GRIK2: variants seen among roughly 807,000 people sequenced by gnomAD.
The protein encoded by GRIK2 is glutamate ionotropic receptor kainate type subunit 2.
Under a neutral mutation model 100.3 loss-of-function variants are expected in GRIK2, and 32 were observed. The ratio of observed to expected loss-of-function variants is 0.32; its 90% CI spans 0.24 to 0.43. The LOEUF (loss-of-function observed/expected upper bound fraction) is 0.43, where lower values mean the gene tolerates loss of function less well. Ranked by LOEUF, GRIK2 falls within the 20% of genes least tolerant of loss-of-function variation. The probability of loss-of-function intolerance (pLI) is 1.00; values close to 1 mark genes in which losing one functional copy is unlikely to be tolerated. For missense variants in GRIK2, 843 were observed against 1,114.9 expected, an observed-to-expected ratio of 0.76 and a Z score of 3.47; for synonymous variants, 417 against 389.4, an observed-to-expected ratio of 1.07 and a Z score of -0.83.
At chr6:101,737,052 C>T (rs1423555259) in intron 7 of GRIK2, among the ~76,000 whole-genome samples, 1 of 152,126 alleles carries the variant, frequency 6.6e-6, no homozygotes, top group Non-Finnish European at 1.5e-5. Context: ...ACCTTTTCTC[C>T]AGTTCCCAAC....
In GRIK2 at chr6:101,638,398, G is replaced by A. The variant is rs140156435; in HGVS notation, c.541+11761G>A. Among the ~76,000 whole-genome samples the A allele has an allele frequency of 6.8e-3, 1,032 of 151,978 alleles. 9 individuals are homozygous for A. The highest frequency in any genetic ancestry group is 0.026 in the South Asian group (125 of 4,808). ...GATAGGTGTTATGAAGAGAAATAAA[G>A]CAGGAGAGATGTGTAGGGAGTACAT... On this transcript the variant is annotated intron_variant, in intron 4 of 16. Coordinates refer to ENST00000369134, the MANE Select transcript of GRIK2 (RefSeq NM_021956.5).
At chr6:101,881,825 C>T (rs1040417494) in intron 11 of GRIK2, among the ~76,000 whole-genome samples, 3 of 151,918 alleles carry the variant, frequency 2.0e-5, no homozygotes, top group African/African-American at 4.8e-5. Flanking sequence ...TGCACCCTAC[C>T]CTGGGTGACA....
chr6:101,683,793 T>A (rs1771468191), intron 6 of GRIK2, among the ~76,000 whole-genome samples: 1 of 152,234 alleles, frequency 6.6e-6, no homozygotes, highest in Admixed American at 6.5e-5. Flanking sequence ...TTTAGTGTCC[T>A]CTGAATTGAC....
chr6:101,630,134 AT>A (rs1322430125), intron 4 of GRIK2, among the ~76,000 whole-genome samples: 2 of 152,078 alleles, frequency 1.3e-5, no homozygotes, highest in Non-Finnish European at 2.9e-5. Context: ...ATCTTGGTTG[AT>A]TCCATGTCTT....
intron 2 of GRIK2, among the ~76,000 whole-genome samples, chr6:101,578,046 G>A (rs771139277): frequency 6.6e-6 from 1 of 152,094 alleles, no homozygotes; most frequent in Non-Finnish European, 1.5e-5. Context: ...TTCACCTCAC[G>A]TTCTCCCTTA....
chr6:101,613,812 A>G (rs933554869), intron 2 of GRIK2, among the ~76,000 whole-genome samples: 2 of 151,690 alleles, frequency 1.3e-5, no homozygotes, highest in African/African-American at 2.4e-5. Context: ...GTCATGTGAC[A>G]AACAGTTAAA....
At chr6:101,569,138 G>A (rs943431007) in intron 2 of GRIK2, among the ~76,000 whole-genome samples, 2 of 151,936 alleles carry the variant, frequency 1.3e-5, no homozygotes, top group African/African-American at 4.8e-5. Flanking sequence ...TCATAGCTTT[G>A]TTATTCTGAG....
chr6:101,526,411 A>T (rs1350030252), intron 2 of GRIK2, among the ~76,000 whole-genome samples: 1 of 152,194 alleles, frequency 6.6e-6, no homozygotes. Context: ...TTATTTTTTA[A>T]TGTTAAACTA....
chr6:101,789,123 T>C (rs866120849), intron 7 of GRIK2, among the ~76,000 whole-genome samples: 76 of 152,238 alleles, frequency 5.0e-4, no homozygotes, highest in Admixed American at 2.4e-3. Context: ...GTCAGATGAG[T>C]AGGTTGCGAA....
In GRIK2 at chr6:102,031,919, T is replaced by A. The variant is rs187109515; in HGVS notation, c.2086-3422T>A. ...GAAAAGTTAAACCAACAAGGAAGAC[T>A]TTTCTATTCCAAAAAGGAAGAGAGA... On this transcript the variant is annotated intron_variant, in intron 14 of 16. Transcript: ENST00000369134. Among the ~76,000 whole-genome samples, 16 of 151,426 alleles carry A rather than the reference T, an allele frequency of 1.1e-4. No individual in the cohort carries two copies. The East Asian group carries it at 3.1e-3, about 30-fold the overall frequency.
chr6:101,787,162 A>C (rs1339315604), intron 7 of GRIK2, among the ~76,000 whole-genome samples: 2 of 151,674 alleles, frequency 1.3e-5, no homozygotes, highest in African/African-American at 4.8e-5. Flanking sequence ...TATCTATTGT[A>C]ATGTCCATTT....
At chr6:101,756,905 T>G (rs1777170281) in intron 7 of GRIK2, among the ~76,000 whole-genome samples, 1 of 152,176 alleles carries the variant, frequency 6.6e-6, no homozygotes, top group Admixed American at 6.5e-5. Flanking sequence ...TACTAAGAAT[T>G]AATCCTCACA....
intron 7 of GRIK2, among the ~76,000 whole-genome samples, chr6:101,714,233 T>G (rs562124186): frequency 6.6e-6 from 1 of 151,674 alleles, no homozygotes; most frequent in Non-Finnish European, 1.5e-5. Flanking sequence ...ACTTCCAAAA[T>G]TAAAATGTAA....
chr6:101,465,172 A>G, intron 2 of GRIK2, among the ~76,000 whole-genome samples: 1 of 152,154 alleles, frequency 6.6e-6, no homozygotes, highest in East Asian at 1.9e-4. Flanking sequence ...TATTACATGA[A>G]TATATCGTGT....
intron 2 of GRIK2, among the ~76,000 whole-genome samples, chr6:101,447,198 A>G (rs1770430281): frequency 6.6e-6 from 1 of 151,526 alleles, no homozygotes; most frequent in African/African-American, 2.4e-5. Flanking sequence ...TCTTAGAAGC[A>G]GAATCTTAGA....
At chr6:101,658,093 A>C (rs959299275) in intron 4 of GRIK2, among the ~76,000 whole-genome samples, 4 of 152,132 alleles carry the variant, frequency 2.6e-5, no homozygotes, top group African/African-American at 9.7e-5. Context: ...TCTGGGATAC[A>C]TGTGCAGAAT....
At position 101,979,610 on chromosome 6, in the gene GRIK2, G is replaced by T. The variant is rs189245483; in HGVS notation, c.2085+50978G>T. On this transcript the variant is annotated intron_variant, in intron 14 of 16. Coordinates refer to ENST00000369134, the MANE Select transcript of GRIK2 (RefSeq NM_021956.5). Reference sequence around the variant, plus strand: ...CTTGATGGAGGTGAGGTTGTCCAGGGTTCACTTTGGATTGCTGTGGGAGGA... The same window carrying T: ...CTTGATGGAGGTGAGGTTGTCCAGGTTTCACTTTGGATTGCTGTGGGAGGA... Among the ~76,000 whole-genome samples, 283 of 152,008 alleles carry T rather than the reference G, an allele frequency of 1.9e-3. 1 individual carries two copies. The highest frequency in any genetic ancestry group is 1.3e-3 in the Non-Finnish European group (89 of 67,900).
At chr6:101,515,550 C>G (rs1189514035) in intron 2 of GRIK2, among the ~76,000 whole-genome samples, 1 of 152,044 alleles carries the variant, frequency 6.6e-6, no homozygotes, top group Non-Finnish European at 1.5e-5. Context: ...AGAAGTGTTC[C>G]CTGTTTACCA....
chr6:101,544,472 G>A (rs1368813648), intron 2 of GRIK2, among the ~76,000 whole-genome samples: 4 of 152,152 alleles, frequency 2.6e-5, no homozygotes, highest in African/African-American at 4.8e-5. Context: ...CCCTGGAAGT[G>A]TGTGAGTGAC....
Sources: gnomAD v4.1 joint callset for allele counts (sites outside exome capture counted in the v4.1 genomes callset) on GRCh38, gnomAD v4.1.1 for gene constraint, MANE v1.5 for transcripts, NCBI Gene and HGNC (gene_info 2026-07-23, HGNC 2026-07-21) for gene names.